The following CCSER2 variants were observed in gnomAD, a reference collection of about 807,000 sequenced individuals.
CCSER2 encodes coiled-coil serine rich protein 2, also known as serine-rich coiled-coil domain-containing protein 2.
Under a neutral mutation model 92.3 loss-of-function variants are expected in CCSER2, and 46 were observed. That is an observed-to-expected ratio of 0.50 (90% confidence interval 0.39 to 0.64). CCSER2 has a LOEUF of 0.64. Ranked by LOEUF, CCSER2 falls within the 30% of genes least tolerant of loss-of-function variation. The probability of loss-of-function intolerance (pLI) is 0.00; values close to 1 mark genes in which losing one functional copy is unlikely to be tolerated. For missense variants in CCSER2, 1,244 were observed against 1,238.9 expected, an observed-to-expected ratio of 1.00 and a Z score of -0.06; for synonymous variants, 433 against 431.4, an observed-to-expected ratio of 1.00 and a Z score of -0.04.
At chr10:84,429,014 T>TATATATATATATATAC (rs1400134320) in intron 5 of CCSER2, among the ~76,000 whole-genome samples, 1 of 139,348 alleles carries the variant, frequency 7.2e-6, no homozygotes, top group Non-Finnish European at 1.6e-5. Flanking sequence ...TATATATATA[T>TATATATATATATATAC]ACACACTTAA....
At chr10:84,479,097 C>A (rs1357164335) in intron 9 of CCSER2, among the ~76,000 whole-genome samples, 1 of 152,128 alleles carries the variant, frequency 6.6e-6, no homozygotes, top group African/African-American at 2.4e-5. Context: ...TCATGGAAGT[C>A]TTTATACCAC....
At chr10:84,477,072 C>T (rs1301183592) in intron 8 of CCSER2, among the ~76,000 whole-genome samples, 1 of 152,116 alleles carries the variant, frequency 6.6e-6, no homozygotes, top group Non-Finnish European at 1.5e-5. Context: ...ACTGTAGTAC[C>T]ATGACAGTTT....
At chr10:84,499,845 T>C in intron 9 of CCSER2, 4 of 1,607,982 alleles carry the variant, frequency 2.5e-6, no homozygotes, top group Non-Finnish European at 3.4e-6. Flanking sequence ...TTTTTTATTA[T>C]ACCTCCCTAC....
intron 1 of CCSER2, among the ~76,000 whole-genome samples, chr10:84,364,016 G>T (rs1845650040): frequency 6.6e-6 from 1 of 152,090 alleles, no homozygotes; most frequent in Non-Finnish European, 1.5e-5. Context: ...GTAACACAAT[G>T]GTAAGGAATT....
At chr10:84,354,139 C>T (rs907230073) in intron 1 of CCSER2, among the ~76,000 whole-genome samples, 3 of 151,886 alleles carry the variant, frequency 2.0e-5, no homozygotes, top group South Asian at 2.1e-4. Flanking sequence ...GTCGAGGCTG[C>T]GGTGAGCTGT....
chr10:84,518,168 T>C lies in CCSER2; in HGVS notation c.*3901T>C, dbSNP rs2063594335. On this transcript the variant is annotated 3_prime_UTR_variant, in exon 10 of 10. Coordinates refer to ENST00000372088, the MANE Select transcript of CCSER2 (RefSeq NM_001284240.2). ...CCCTTTAAGTTTTTGCTGCAGCAAT[T>C]TGAGAGAGTACTTTTGATTAAATGA... The C allele has an allele frequency of 6.6e-6, 1 of 152,230 alleles. No individual in the cohort carries two copies. The highest frequency in any genetic ancestry group is 2.1e-4 in the South Asian group (1 of 4,830). The allele number at this position is 152,230 out of a possible 1,614,324, so 9.4% of individuals were successfully genotyped here.
In CCSER2 at chr10:84,426,309, G is replaced by A. The variant is rs973719402; in HGVS notation, c.1868+416G>A. On this transcript the variant is annotated intron_variant, in intron 5 of 9. Transcript: ENST00000372088. ...TCCACAAGTACCATTAAAAACAGAA[G>A]AAGGTACTGTTTAGTGCTGAAGGTA... Among the ~76,000 whole-genome samples, 3 of 152,154 alleles carry A rather than the reference G, an allele frequency of 2.0e-5. No homozygotes were observed. The East Asian group carries it at 5.8e-4, about 29-fold the overall frequency.
intron 5 of CCSER2, among the ~76,000 whole-genome samples, chr10:84,429,304 T>A (rs1318395819): frequency 6.6e-6 from 1 of 152,172 alleles, no homozygotes; most frequent in Non-Finnish European, 1.5e-5. Context: ...TGGTTTATAA[T>A]GTTGCTTAAA....
chr10:84,341,841 TA>T (rs1844206186), intron 1 of CCSER2, among the ~76,000 whole-genome samples: 1 of 152,176 alleles, frequency 6.6e-6, no homozygotes, highest in Non-Finnish European at 1.5e-5. Context: ...CAGCATATTT[TA>T]AGAAATATAG....
chr10:84,448,157 T>C (rs1845045003), intron 6 of CCSER2, among the ~76,000 whole-genome samples: 1 of 152,078 alleles, frequency 6.6e-6, no homozygotes, highest in African/African-American at 2.4e-5. Context: ...AGTCTACGCA[T>C]GGATGCCCTC....
intron 1 of CCSER2, among the ~76,000 whole-genome samples, chr10:84,346,463 C>T (rs1451696515): frequency 6.6e-6 from 1 of 151,284 alleles, no homozygotes. Flanking sequence ...AAGTAGAACA[C>T]AGGAAAACAT....
rs1040285862 is a variant in CCSER2, at chr10:84,517,293, A to C, written c.*3026A>C. On this transcript the variant is annotated 3_prime_UTR_variant, in exon 10 of 10. Coordinates refer to ENST00000372088, the MANE Select transcript of CCSER2 (RefSeq NM_001284240.2). Reference sequence around the variant, plus strand: ...TTTTAAAAGAAGGCTTGGCCTAAGGAGTTTATTGGTACAGGTGCAGATGAT... The same window carrying C: ...TTTTAAAAGAAGGCTTGGCCTAAGGCGTTTATTGGTACAGGTGCAGATGAT... 1.3e-5 allele frequency: 2 copies of C among 152,588 alleles called. No homozygotes were observed. The highest frequency in any genetic ancestry group is 4.8e-5 in the African/African-American group (2 of 41,414). 9.5% of individuals were successfully genotyped at this position (152,588 alleles called of 1,614,324 possible). A position where few individuals can be genotyped will look rare whatever the true frequency, so the allele number is the denominator to read the frequency against.
At position 84,352,027 on chromosome 10, in the gene CCSER2, G is replaced by A. The variant is rs562516753; in HGVS notation, c.-39-18987G>A. Among the ~76,000 whole-genome samples, 17 of 152,256 alleles carry A rather than the reference G, an allele frequency of 1.1e-4. 1 individual carries two copies. In the South Asian group the frequency reaches 2.9e-3, roughly 26 times the overall value. ...CAAAATGGTGACTTGTAGGCTGGCCGCGGTGGCTCACGCCTGTAATCCCAG... is the reference window on the plus strand; with the variant it reads ...CAAAATGGTGACTTGTAGGCTGGCCACGGTGGCTCACGCCTGTAATCCCAG... On this transcript the variant is annotated intron_variant, in intron 1 of 9. Coordinates refer to ENST00000372088, the MANE Select transcript of CCSER2 (RefSeq NM_001284240.2).
At chr10:84,422,635 A>G (rs1843207393) in intron 4 of CCSER2, among the ~76,000 whole-genome samples, 1 of 152,140 alleles carries the variant, frequency 6.6e-6, no homozygotes, top group Non-Finnish European at 1.5e-5. Context: ...TTGAACTGGG[A>G]TACCTTGAAG....
At chr10:84,332,656 T>A (rs912628258) in intron 1 of CCSER2, among the ~76,000 whole-genome samples, 38 of 151,542 alleles carry the variant, frequency 2.5e-4, no homozygotes, top group African/African-American at 5.3e-4. Context: ...TATATTTTTT[T>A]AAAAAATCAG....
intron 9 of CCSER2, among the ~76,000 whole-genome samples, chr10:84,506,406 TTAAG>T (rs954694848): frequency 1.3e-5 from 2 of 152,256 alleles, no homozygotes; most frequent in Admixed American, 1.3e-4. Context: ...GGGATACAAA[TTAAG>T]TCTTTCTATA....
At chr10:84,461,699 C>T (rs998286010) in intron 6 of CCSER2, among the ~76,000 whole-genome samples, 2 of 149,772 alleles carry the variant, frequency 1.3e-5, no homozygotes, top group African/African-American at 2.5e-5. Flanking sequence ...TCTTTGTAGT[C>T]CCTTCAAGAG....
In CCSER2 at chr10:84,371,140, A is replaced by G. The variant is rs754246133; in HGVS notation, c.88A>G (p.Met30Val). The stretch of plus-strand genomic sequence containing the variant: ...ATCTGTAAGAAGTACATTGCAGCCA[A>G]TGCCAAATGGGACACCTGTTAATTT... Reference protein sequence around the residue: ...TKSVRSTLQPMPNGTPVNLLG... With the variant: ...TKSVRSTLQPVPNGTPVNLLG... Residue 30 changes from methionine (M) to valine (V), a missense_variant, in exon 2 of 10, where the codon ATG becomes GTG. Met to Val is a conservative substitution (Grantham distance 21). Coordinates refer to ENST00000372088, the MANE Select transcript of CCSER2 (RefSeq NM_001284240.2). 20 of 1,613,308 alleles carry G rather than the reference A, an allele frequency of 1.2e-5. No individual in the cohort carries two copies. Among genetic ancestry groups the G allele is most frequent in the South Asian group, 5.5e-5 (5 of 90,852 alleles).
rs1431263523 is a variant in CCSER2, at chr10:84,373,593, A to G, written c.1418-26A>G. 3.9e-6 allele frequency: 6 copies of G among 1,534,016 alleles called. No homozygotes were observed. In the South Asian group the frequency reaches 6.9e-5, roughly 18 times the overall value. On this transcript the variant is annotated intron_variant, in intron 2 of 9. Transcript: ENST00000372088. ...CACGAGAAACAATTATATTTTTGTG[A>G]ATCAGTAACCTTTTTTCTCTTGAAG... is the stretch of plus-strand genomic sequence containing the variant.
Sources: gnomAD v4.1 joint callset for allele counts (sites outside exome capture counted in the v4.1 genomes callset) on GRCh38, gnomAD v4.1.1 for gene constraint, MANE v1.5 for transcripts, NCBI Gene and HGNC (gene_info 2026-07-23, HGNC 2026-07-21) for gene names.